Variants in BOD1L1 observed in about 807,000 individuals in gnomAD.
BOD1L1 encodes the protein biorientation of chromosomes in cell division protein 1-like 1.
A neutral mutation model predicts 240.7 loss-of-function variants in BOD1L1; 86 were observed. The observed-to-expected ratio is 0.36, with a 90% CI of 0.30 to 0.43. The LOEUF (loss-of-function observed/expected upper bound fraction) is 0.43, where lower values mean the gene tolerates loss of function less well. Among genes scored for constraint, BOD1L1 ranks in the 20% least tolerant of loss-of-function variants. The pLI, the probability that BOD1L1 is intolerant of heterozygous loss-of-function variation, is 1.00. For missense variants in BOD1L1, 3,554 were observed against 3,643.5 expected (o/e 0.98, Z 0.63); for synonymous variants, 1,268 against 1,272.3 (o/e 1.00, Z 0.07).
At chr4:13,586,996 C>T (rs1176490879) in intron 16 of BOD1L1, among the ~76,000 whole-genome samples, 1 of 152,138 alleles carries the variant, frequency 6.6e-6, no homozygotes, top group Admixed American at 6.5e-5. Flanking sequence ...CATTAAATTG[C>T]TACCAAATAA....
At chr4:13,611,122 G>C in intron 5 of BOD1L1, 22 bp from the exon 6 acceptor site, 1 of 1,543,838 alleles carries the variant, frequency 6.5e-7, no homozygotes, top group Non-Finnish European at 8.9e-7. Context: ...TTAATAGAAA[G>C]AGGAGTATGT....
At position 13,599,705 on chromosome 4, in the gene BOD1L1, C is replaced by A. The variant is rs148409239; in HGVS notation, c.7195G>T (p.Val2399Leu). ...CCCTCCTCGGTGCTCACTGCCAACA[C>A]GGGACCCGGTTCTTTGCCTCCCCTG... is the stretch of plus-strand genomic sequence containing the variant. Reference protein sequence around the residue: ...PVRGGKEPGPVLAVSTEEGHN... With the variant: ...PVRGGKEPGPLLAVSTEEGHN... The change falls in exon 10 of 26, where the codon GTG becomes TTG. Residue 2399 changes from valine to leucine, a missense_variant. Val to Leu is a conservative substitution (Grantham distance 32). This residue lies in a region of BOD1L1 where 3,393 missense variants were observed against 3,427.1 expected (regional missense o/e 0.99). Coordinates refer to ENST00000040738, the MANE Select transcript of BOD1L1 (RefSeq NM_148894.3). 5.0e-6 allele frequency: 8 copies of A among 1,613,658 alleles called. No homozygotes were observed. Among genetic ancestry groups the A allele is most frequent in the Admixed American group, 3.3e-5 (2 of 60,012 alleles).
chr4:13,590,465 A>T lies in BOD1L1; in HGVS notation c.8149-19T>A. On this transcript the variant is annotated intron_variant, in intron 13 of 25. Transcript: ENST00000040738. ...TTTCAACCTAAATATACAATATAAAAGATATTTATGGATAGTCTCACAAAA... is the reference window on the plus strand; with the variant it reads ...TTTCAACCTAAATATACAATATAAATGATATTTATGGATAGTCTCACAAAA... 1 of 1,301,086 alleles carries T rather than the reference A, an allele frequency of 7.7e-7. No individual in the cohort carries two copies. Among genetic ancestry groups the T allele is most frequent in the Non-Finnish European group, 1.1e-6 (1 of 937,576 alleles). 80.6% of individuals were successfully genotyped at this position (1,301,086 alleles called of 1,614,324 possible).
intron 1 of BOD1L1, among the ~76,000 whole-genome samples, chr4:13,621,325 C>T (rs371988515): frequency 1.6e-4 from 25 of 152,338 alleles, no homozygotes; most frequent in African/African-American, 5.1e-4. Flanking sequence ...TATAGCCTCA[C>T]CTTCTGCCAT....
rs1715114001 is a variant in BOD1L1 at position 13,601,109 on chromosome 4, C to T, written c.5791G>A (p.Val1931Ile). 1.2e-6 allele frequency: 2 copies of T among 1,613,886 alleles called. No individual in the cohort carries two copies. The highest frequency in any genetic ancestry group is 1.7e-5 in the Admixed American group (1 of 60,002). Residue 1931 changes from valine to isoleucine, a missense_variant, in exon 10 of 26, where the codon GTT becomes ATT. Coordinates refer to ENST00000040738, the MANE Select transcript of BOD1L1 (RefSeq NM_148894.3). ...TTCTCTGTGCCACTCATGCTGTCAACATTATTTTCATTTGCATTCATGATG... is the reference window on the plus strand; with the variant it reads ...TTCTCTGTGCCACTCATGCTGTCAATATTATTTTCATTTGCATTCATGATG... ...AAIMNANENN[V>I]DSMSGTEKGS... is the part of the protein sequence containing the mutation.
intron 11 of BOD1L1, among the ~76,000 whole-genome samples, chr4:13,596,744 G>A (rs535962300): frequency 6.6e-6 from 1 of 152,282 alleles, no homozygotes; most frequent in South Asian, 2.1e-4. Flanking sequence ...CTAATGGAGA[G>A]GCTACTGAAG....
intron 4 of BOD1L1, 42 bp downstream of exon 4, chr4:13,614,154 C>G (rs1716388935): frequency 1.4e-6 from 2 of 1,431,424 alleles, no homozygotes; most frequent in African/African-American, 2.9e-5. Flanking sequence ...CCAAAACACT[C>G]TGTTCTTTAA....
Position 13,602,440 on chromosome 4 carries a change from C to A in BOD1L1, c.4460G>T (p.Gly1487Val), listed in dbSNP as rs769389681. Residue 1487 changes from glycine (G) to valine (V), a missense_variant, in exon 10 of 26, where the codon GGA becomes GTA. Transcript: ENST00000040738. ...NENSEVDTSA[G>V]SGSAPSVLHQ... ...TAAAACAGAGGGTGCAGAGCCACTT[C>A]CAGCACTGGTGTCTACCTCACTGTT... 22 of 1,613,912 alleles carry A rather than the reference C, an allele frequency of 1.4e-5. No individual in the cohort carries two copies. The highest frequency in any genetic ancestry group is 1.9e-5 in the Non-Finnish European group (22 of 1,179,894).
rs747364632 is a variant in BOD1L1, at chr4:13,599,387, G to C, written c.7513C>G (p.Leu2505Val). Residue 2505 changes from leucine to valine, a missense_variant, in exon 10 of 26, where the codon CTG becomes GTG. Physicochemically the swap from Leu to Val is conservative, Grantham distance 32. This residue lies in a region of BOD1L1 where 3,393 missense variants were observed against 3,427.1 expected (regional missense o/e 0.99). Transcript: ENST00000040738. The part of the protein sequence containing the change: ...LEGNANSPAH[L>V]RGPEQTSGQT... ...CCAGACGTCTGTTCTGGTCCTCTCA[G>C]GTGGGCAGGTGAGTTAGCATTCCCC... The C allele has an allele frequency of 3.7e-6, 6 of 1,614,006 alleles. No homozygotes were observed. The highest frequency in any genetic ancestry group is 1.1e-5 in the South Asian group (1 of 91,076).
At chr4:13,616,635 T>C (rs1473574576) in intron 2 of BOD1L1, among the ~76,000 whole-genome samples, 1 of 152,358 alleles carries the variant, frequency 6.6e-6, no homozygotes, top group Non-Finnish European at 1.5e-5. Flanking sequence ...CTGCTCTCTA[T>C]GGAATGGATG....
At position 13,599,776 on chromosome 4, in the gene BOD1L1, A is replaced by C. The variant is rs1458340747; in HGVS notation, c.7124T>G (p.Met2375Arg). ...GTTATTCTCAGCAATTAGGCTGGGC[A>C]TGGGGACCTTGTGCTTGCTCACTTC... ...ATEVSKHKVP[M>R]PSLIAENNCR... The change falls in exon 10 of 26, where the codon ATG becomes AGG. Residue 2375 changes from methionine to arginine, a missense_variant. By Grantham distance (91) the Met-to-Arg change is moderately conservative. Coordinates refer to ENST00000040738, the MANE Select transcript of BOD1L1 (RefSeq NM_148894.3). The C allele has an allele frequency of 1.2e-6, 2 of 1,614,016 alleles. No individual in the cohort carries two copies. Among genetic ancestry groups the C allele is most frequent in the Non-Finnish European group, 1.7e-6 (2 of 1,179,892 alleles).
chr4:13,572,727 CTT>C lies in BOD1L1; in HGVS notation c.9039-2601_9039-2600del, dbSNP rs571183914. The C allele has an allele frequency of 9.4e-4, 1,218 of 1,289,820 alleles. 1 individual carries two copies. The highest frequency in any genetic ancestry group is 1.3e-3 in the Admixed American group (55 of 43,566). The allele number at this position is 1,289,820 out of a possible 1,614,324, so 79.9% of individuals were successfully genotyped here. A position where few individuals can be genotyped will look rare whatever the true frequency, so the allele number is the denominator to read the frequency against. ...CTTCCTAATGGGGGAGAGTTACTAA[CTT>C]TTTCGCTGGTAGGTAACTTCTCTTT... On this transcript the variant is annotated intron_variant, in intron 25 of 25. Coordinates refer to ENST00000040738, the MANE Select transcript of BOD1L1 (RefSeq NM_148894.3).
At chr4:13,605,183 A>C in intron 9 of BOD1L1, 99 bp from the exon 10 acceptor site, 1 of 997,288 alleles carries the variant, frequency 1.0e-6, no homozygotes, top group South Asian at 2.4e-5. Context: ...GTGCTGTCAC[A>C]TATGTAACAT....
Position 13,599,512 on chromosome 4 carries a change from T to C in BOD1L1, c.7388A>G (p.Asn2463Ser), listed in dbSNP as rs760648663. 1.9e-6 allele frequency: 3 copies of C among 1,614,022 alleles called. No homozygotes were observed. The highest frequency in any genetic ancestry group is 2.5e-6 in the Non-Finnish European group (3 of 1,179,890). ...TTTCTGAAGGGAGTTCAACAATACATTCTTCTCTTCTGCATTTATGAGGTG... is the reference window on the plus strand; with the variant it reads ...TTTCTGAAGGGAGTTCAACAATACACTCTTCTCTTCTGCATTTATGAGGTG... ...TLHLINAEEK[N>S]VLLNSLQKED... Residue 2463 changes from asparagine (N) to serine (S), a missense_variant, in exon 10 of 26, where the codon AAT (asparagine) becomes AGT (serine). Asn to Ser is a conservative substitution (Grantham distance 46). Coordinates refer to ENST00000040738, the MANE Select transcript of BOD1L1 (RefSeq NM_148894.3).
intron 22 of BOD1L1, among the ~76,000 whole-genome samples, chr4:13,578,861 T>C (rs745320465): frequency 6.6e-6 from 1 of 152,240 alleles, no homozygotes; most frequent in African/African-American, 2.4e-5. Context: ...AAATACATCA[T>C]GGTAGCTAAA....
intron 13 of BOD1L1, among the ~76,000 whole-genome samples, chr4:13,591,503 C>T (rs941385773): frequency 2.0e-5 from 3 of 152,038 alleles, no homozygotes; most frequent in Non-Finnish European, 4.4e-5. Flanking sequence ...CAAGAATGAA[C>T]GGGATTATGA....
rs377758319 is a variant in BOD1L1 at position 13,595,863 on chromosome 4, T to A, written c.8101A>T (p.Ile2701Leu). 1.2e-5 allele frequency: 19 copies of A among 1,612,986 alleles called. No individual in the cohort carries two copies. The highest frequency in any genetic ancestry group is 1.4e-5 in the Non-Finnish European group (16 of 1,179,454). Residue 2701 changes from isoleucine (I) to leucine (L), a missense_variant, in exon 12 of 26, where the codon ATA (isoleucine) becomes TTA (leucine). Physicochemically the swap from Ile to Leu is conservative, Grantham distance 5. This residue lies in a region of BOD1L1 where 3,393 missense variants were observed against 3,427.1 expected (regional missense o/e 0.99). Transcript: ENST00000040738. ...ESLCGGKPSG[I>L]AELQREPLLV... ...ACAACCATTCTAAAGAGCTCACCTA[T>A]TCCACTTGGCTTTCCCCCACACAGA...
In BOD1L1 at chr4:13,600,741, A is replaced by C. The variant is rs1001188612; in HGVS notation, c.6159T>G (p.Gly2053=). ...CTAAGCTATTCTGGTTGGTAATATC[A>C]CCACTGGCTGTAGTTGCCATGAGAC... is the stretch of plus-strand genomic sequence containing the variant. ...CDGLMATTAS[G]DITNQNSLAG... Residue 2053 remains glycine, a synonymous_variant, in exon 10 of 26, where the codon GGT becomes GGG. Transcript: ENST00000040738. 1.2e-6 allele frequency: 2 copies of C among 1,613,720 alleles called. No homozygotes were observed. Among genetic ancestry groups the C allele is most frequent in the Non-Finnish European group, 1.7e-6 (2 of 1,179,870 alleles).
intron 3 of BOD1L1, among the ~76,000 whole-genome samples, 186 bp downstream of exon 3, chr4:13,615,126 G>A (rs900410455): frequency 1.3e-5 from 2 of 152,052 alleles, no homozygotes; most frequent in Non-Finnish European, 2.9e-5. Flanking sequence ...TTACTACAAT[G>A]CTTATTATTT....
Sources: gnomAD v4.1 joint callset for allele counts (sites outside exome capture counted in the v4.1 genomes callset) on GRCh38, gnomAD v4.1.1 for gene constraint, gnomAD v4.1.1 regional missense constraint, MANE v1.5 for transcripts, NCBI Gene and HGNC (gene_info 2026-07-23, HGNC 2026-07-21) for gene names.